ABHD3: variants seen among roughly 807,000 people sequenced by gnomAD.
ABHD3 encodes abhydrolase domain containing 3, phospholipase, also known as phospholipase ABHD3.
In ABHD3, 46 loss-of-function variants were observed where a neutral mutation model predicts 48.8. The observed-to-expected ratio is 0.94, with a 90% CI of 0.74 to 1.20. The LOEUF is 1.20. Among genes scored for constraint, ABHD3 ranks in the 50% most tolerant of loss-of-function variants. The probability of loss-of-function intolerance (pLI) is 0.00; values close to 1 mark genes in which losing one functional copy is unlikely to be tolerated. For missense variants in ABHD3, 490 were observed against 497.8 expected (o/e 0.98, Z 0.15); for synonymous variants, 192 against 183.7 (o/e 1.04, Z -0.36).
At chr18:21,673,625 T>G (rs903434479) in intron 4 of ABHD3, 5 of 150,590 alleles carry the variant, frequency 3.3e-5, no homozygotes, top group African/African-American at 1.2e-4. Context: ...TTTGTTTTTT[T>G]GAGACAGCAT....
chr18:21,690,535 G>C (rs977226250), intron 3 of ABHD3, among the ~76,000 whole-genome samples: 1 of 152,128 alleles, frequency 6.6e-6, no homozygotes, highest in African/African-American at 2.4e-5. Flanking sequence ...CCAGGAGGCG[G>C]AGCTTGCAGT....
chr18:21,654,657 G>T (rs2039303726), intron 8 of ABHD3, among the ~76,000 whole-genome samples: 1 of 152,084 alleles, frequency 6.6e-6, no homozygotes. Flanking sequence ...GCCTCTAAAG[G>T]AATTATCAAG....
At chr18:21,704,438 C>T (rs2040590481) in intron 1 of ABHD3, 66 bp downstream of exon 1, 2 of 1,260,082 alleles carry the variant, frequency 1.6e-6, no homozygotes, top group Non-Finnish European at 1.0e-6. Context: ...CGCGCAGCCT[C>T]GCGCCGCGCC....
intron 3 of ABHD3, among the ~76,000 whole-genome samples, chr18:21,700,827 CAAAAAAAA>C (rs375239917): frequency 3.2e-5 from 3 of 94,396 alleles, no homozygotes; most frequent in African/African-American, 7.0e-5. Context: ...AAGTTTTAGC[CAAAAAAAA>C]AAAAAAAAAA....
At chr18:21,674,750 T>C (rs1183015884) in intron 4 of ABHD3, among the ~76,000 whole-genome samples, 1 of 152,140 alleles carries the variant, frequency 6.6e-6, no homozygotes, top group African/African-American at 2.4e-5. Context: ...TGCAACAATA[T>C]GTCCAGTAGG....
intron 3 of ABHD3, among the ~76,000 whole-genome samples, chr18:21,695,751 A>G (rs945674750): frequency 5.3e-5 from 8 of 152,278 alleles, no homozygotes; most frequent in Middle Eastern, 3.4e-3. Flanking sequence ...CATGAGAGAA[A>G]TAAGTTTATA....
At chr18:21,680,092 C>A (rs1363876803) in intron 4 of ABHD3, among the ~76,000 whole-genome samples, 3 of 152,130 alleles carry the variant, frequency 2.0e-5, no homozygotes, top group Non-Finnish European at 4.4e-5. Context: ...TGGCTCACTG[C>A]AACCTCCACC....
intron 4 of ABHD3, among the ~76,000 whole-genome samples, chr18:21,679,361 GT>G: frequency 6.6e-6 from 1 of 152,250 alleles, no homozygotes; most frequent in African/African-American, 2.4e-5. Flanking sequence ...TAATAAGGAT[GT>G]AGAATAACCA....
chr18:21,684,643 G>C (rs576477833), intron 3 of ABHD3, among the ~76,000 whole-genome samples: 65 of 152,116 alleles, frequency 4.3e-4, no homozygotes, highest in African/African-American at 1.5e-3. Context: ...TTTAAACAAA[G>C]AAAAAATATA....
At chr18:21,653,164 A>G (rs2039267149) in intron 8 of ABHD3, among the ~76,000 whole-genome samples, 1 of 144,196 alleles carries the variant, frequency 6.9e-6, no homozygotes, top group African/African-American at 2.6e-5. Context: ...GAGTTCAAGA[A>G]CGGCCTGGCC....
At chr18:21,703,307 C>T (rs139015272) in intron 2 of ABHD3, among the ~76,000 whole-genome samples, 438 of 143,092 alleles carry the variant, frequency 3.1e-3, no homozygotes, top group Middle Eastern at 0.014. Flanking sequence ...TGACAAACTG[C>T]GAGACAGTAA....
intron 5 of ABHD3, 112 bp downstream of exon 5, chr18:21,664,006 A>G (rs757200076): frequency 3.3e-5 from 48 of 1,440,894 alleles, no homozygotes; most frequent in Non-Finnish European, 4.4e-5. Context: ...GATAAACATA[A>G]TCAGACATTT....
Position 21,702,575 on chromosome 18 carries a change from CATT to C in ABHD3, c.327-80_327-78del, listed in dbSNP as rs1310678934. ...CTTAATTTTAATTCTAAACACATGA[CATT>C]ATTTGCTCATCAAAAAATAACATTT... On this transcript the variant is annotated intron_variant, in intron 2 of 8. Transcript: ENST00000289119. 20 of 1,240,052 alleles carry C rather than the reference CATT, an allele frequency of 1.6e-5. No homozygotes were observed. In the Middle Eastern group the frequency reaches 6.8e-4, roughly 42 times the overall value. 76.8% of individuals were successfully genotyped at this position (1,240,052 alleles called of 1,614,324 possible).
At chr18:21,662,594 A>G (rs1434426899) in intron 5 of ABHD3, among the ~76,000 whole-genome samples, 1 of 152,162 alleles carries the variant, frequency 6.6e-6, no homozygotes, top group Non-Finnish European at 1.5e-5. Flanking sequence ...GGCACTGGGC[A>G]TAAGGATCGT....
chr18:21,689,498 A>G (rs1216572788), intron 3 of ABHD3, among the ~76,000 whole-genome samples: 1 of 146,310 alleles, frequency 6.8e-6, no homozygotes, highest in Non-Finnish European at 1.5e-5. Flanking sequence ...GCAGTGAGCC[A>G]AGATCACACC....
At chr18:21,690,376 C>G (rs762513825) in intron 3 of ABHD3, among the ~76,000 whole-genome samples, 8 of 151,306 alleles carry the variant, frequency 5.3e-5, no homozygotes, top group Non-Finnish European at 1.0e-4. Flanking sequence ...CCGGGGCAGG[C>G]AAATCACTTG....
intron 4 of ABHD3, among the ~76,000 whole-genome samples, chr18:21,671,219 C>A (rs536647947): frequency 2.1e-4 from 32 of 152,076 alleles, no homozygotes; most frequent in Non-Finnish European, 3.8e-4. Flanking sequence ...GGGAGGAGAC[C>A]TGATTAACTA....
intron 3 of ABHD3, among the ~76,000 whole-genome samples, chr18:21,697,553 G>C (rs1257791284): frequency 6.6e-6 from 1 of 151,914 alleles, no homozygotes; most frequent in Non-Finnish European, 1.5e-5. Flanking sequence ...CTAATTGTTT[G>C]TATTTTTAGT....
At chr18:21,694,140 G>A (rs909413663) in intron 3 of ABHD3, among the ~76,000 whole-genome samples, 3 of 151,656 alleles carry the variant, frequency 2.0e-5, no homozygotes, top group African/African-American at 7.3e-5. Context: ...ACTAAGTCTC[G>A]CTCTGTCACC....
Sources: gnomAD v4.1 joint callset for allele counts (sites outside exome capture counted in the v4.1 genomes callset) on GRCh38, gnomAD v4.1.1 for gene constraint, MANE v1.5 for transcripts, NCBI Gene and HGNC (gene_info 2026-07-23, HGNC 2026-07-21) for gene names.